PDE1C: variants seen among roughly 807,000 people sequenced by gnomAD.
The protein encoded by PDE1C is dual specificity calcium/calmodulin-dependent 3',5'-cyclic nucleotide phosphodiesterase 1C.
Under a neutral mutation model 93.1 loss-of-function variants are expected in PDE1C, and 62 were observed. The observed-to-expected ratio is 0.67, with a 90% CI of 0.54 to 0.82. PDE1C has a LOEUF of 0.82. Among genes scored for constraint, PDE1C ranks in the 40% least tolerant of loss-of-function variants. PDE1C has a pLI of 0.00. For synonymous variants in PDE1C, 325 were observed against 310.1 expected, an observed-to-expected ratio of 1.05 and a Z score of -0.50; for missense variants, 742 against 884.6, an observed-to-expected ratio of 0.84 and a Z score of 2.04.
rs1794196439 is a variant in PDE1C at position 31,752,675 on chromosome 7, T to C, written c.*709A>G. The C allele has an allele frequency of 6.6e-6, 1 of 152,138 alleles. No homozygotes were observed. Among genetic ancestry groups the C allele is most frequent in the African/African-American group, 2.4e-5 (1 of 41,450 alleles). The allele number at this position is 152,138 out of a possible 1,614,324, so 9.4% of individuals were successfully genotyped here. A position where few individuals can be genotyped will look rare whatever the true frequency, so the allele number is the denominator to read the frequency against. ...GGAAAATGAAGCCAAATGCATCTCT[T>C]GCAAACCTTCACATCCTTCAAAGTA... is the stretch of plus-strand genomic sequence containing the variant. On this transcript the variant is annotated 3_prime_UTR_variant, in exon 18 of 18. Coordinates refer to ENST00000396191, the MANE Select transcript of PDE1C (RefSeq NM_001191057.4).
intron 1 of PDE1C, among the ~76,000 whole-genome samples, chr7:32,359,438 T>C (rs1266540816): frequency 6.6e-6 from 1 of 152,258 alleles, no homozygotes; most frequent in Non-Finnish European, 1.5e-5. Context: ...TCATTTATTT[T>C]ATTCATCATC....
chr7:31,812,714 TA>T lies in PDE1C; in HGVS notation c.1813+3209del, dbSNP rs201336275. Among the ~76,000 whole-genome samples the T allele has an allele frequency of 6.3e-3, 958 of 152,266 alleles. 17 individuals are homozygous for T. Among genetic ancestry groups the T allele is most frequent in the African/African-American group, 0.021 (874 of 41,568 alleles). ...TAGAGACCTTATGTTCTGCAAAGCCTAAAATATTTACTATCTTGTCCCTTAT... is the reference window on the plus strand; with the variant it reads ...TAGAGACCTTATGTTCTGCAAAGCCTAAATATTTACTATCTTGTCCCTTAT... On this transcript the variant is annotated intron_variant, in intron 15 of 17. Transcript: ENST00000396191.
chr7:32,388,068 T>C (rs971084426), intron 1 of PDE1C, among the ~76,000 whole-genome samples: 1 of 152,238 alleles, frequency 6.6e-6, no homozygotes, highest in Non-Finnish European at 1.5e-5. Flanking sequence ...TTCATGGCTA[T>C]TGTGCTGGAG....
At chr7:31,935,781 C>G (rs898569651) in intron 2 of PDE1C, among the ~76,000 whole-genome samples, 1 of 152,106 alleles carries the variant, frequency 6.6e-6, no homozygotes, top group Admixed American at 6.6e-5. Flanking sequence ...GCACTAAAGT[C>G]TCTTTGCCTC....
At chr7:32,143,312 C>T (rs968374774) in intron 3 of PDE1C, among the ~76,000 whole-genome samples, 9 of 150,624 alleles carry the variant, frequency 6.0e-5, no homozygotes, top group African/African-American at 2.2e-4. Context: ...TCTGATCCCA[C>T]ATACGAGATG....
At chr7:32,340,938 T>C (rs114981350) in intron 1 of PDE1C, among the ~76,000 whole-genome samples, 1 of 152,086 alleles carries the variant, frequency 6.6e-6, no homozygotes, top group Non-Finnish European at 1.5e-5. Flanking sequence ...CATGTCAGTA[T>C]ACATTCATCC....
At chr7:31,760,729 C>A (rs1371141937) in intron 17 of PDE1C, among the ~76,000 whole-genome samples, 1 of 150,882 alleles carries the variant, frequency 6.6e-6, no homozygotes, top group African/African-American at 2.4e-5. Context: ...AAAGCACTTT[C>A]TCCTATAGAC....
At chr7:32,001,027 G>T (rs1366392240) in intron 2 of PDE1C, among the ~76,000 whole-genome samples, 1 of 151,760 alleles carries the variant, frequency 6.6e-6, no homozygotes, top group East Asian at 1.9e-4. Context: ...TATGTATGGG[G>T]AGGGTGGAGA....
At chr7:31,962,792 G>A (rs369215196) in intron 2 of PDE1C, among the ~76,000 whole-genome samples, 1 of 151,684 alleles carries the variant, frequency 6.6e-6, no homozygotes, top group African/African-American at 2.4e-5. Context: ...GACATCTAAG[G>A]CCCCTCCATC....
chr7:32,370,975 C>T (rs1245285891), intron 1 of PDE1C, among the ~76,000 whole-genome samples: 3 of 151,286 alleles, frequency 2.0e-5, no homozygotes, highest in Non-Finnish European at 4.4e-5. Flanking sequence ...TTCAACACTG[C>T]ATATTCTCAC....
rs147622139 is a variant in PDE1C at position 31,775,595 on chromosome 7, A to G, written c.1960+69T>C. The G allele has an allele frequency of 1.4e-4, 190 of 1,316,862 alleles. No individual in the cohort carries two copies. The African/African-American group carries it at 2.3e-3, about 16-fold the overall frequency. 81.6% of individuals were successfully genotyped at this position (1,316,862 alleles called of 1,614,324 possible). On this transcript the variant is annotated intron_variant, in intron 17 of 17. Coordinates refer to ENST00000396191, the MANE Select transcript of PDE1C (RefSeq NM_001191057.4). ...GCCATGTTCTCAGTTTATCAACCCA[A>G]TTCCCGAGAAACCAGGCCTTTCCAT...
At chr7:32,133,583 A>G (rs559712279) in intron 3 of PDE1C, among the ~76,000 whole-genome samples, 1 of 152,276 alleles carries the variant, frequency 6.6e-6, no homozygotes, top group East Asian at 1.9e-4. Context: ...CTTCACTTGC[A>G]GCTCTGTCTT....
In PDE1C at chr7:31,964,910, G is replaced by T. The variant is rs991339868; in HGVS notation, c.129-84050C>A. The stretch of plus-strand genomic sequence containing the variant: ...CAGCTGAGGGTCCTGACTGTTAGAA[G>T]GAAAACTAACAAACAGAAAGGACAT... On this transcript the variant is annotated intron_variant, in intron 2 of 17. Transcript: ENST00000396191. Among the ~76,000 whole-genome samples the T allele has an allele frequency of 7.9e-5, 12 of 152,232 alleles. No individual in the cohort carries two copies. The East Asian group carries it at 1.9e-3, about 25-fold the overall frequency.
chr7:32,207,760 CA>C (rs774569113), intron 2 of PDE1C, among the ~76,000 whole-genome samples: 1 of 152,166 alleles, frequency 6.6e-6, no homozygotes, highest in Non-Finnish European at 1.5e-5. Flanking sequence ...CCCAGTCATA[CA>C]GTTGAGAAGT....
At chr7:31,909,313 A>G (rs751611313) in intron 2 of PDE1C, among the ~76,000 whole-genome samples, 1 of 152,130 alleles carries the variant, frequency 6.6e-6, no homozygotes, top group Admixed American at 6.6e-5. Context: ...CAAGACATAA[A>G]TATGTGGATT....
intron 15 of PDE1C, 35 bp from the exon 16 acceptor site, chr7:31,809,143 T>C (rs1473796832): frequency 1.7e-6 from 2 of 1,162,612 alleles, no homozygotes; most frequent in African/African-American, 3.0e-5. Flanking sequence ...AGTATATGTA[T>C]GCAGCTGAGG....
chr7:31,991,723 T>A (rs1454353589), intron 2 of PDE1C, among the ~76,000 whole-genome samples: 4 of 152,316 alleles, frequency 2.6e-5, no homozygotes, highest in Middle Eastern at 3.4e-3. Context: ...TATGTGTATG[T>A]CTGTGTATAT....
chr7:31,799,430 G>C (rs1785713711), intron 16 of PDE1C, among the ~76,000 whole-genome samples: 1 of 151,638 alleles, frequency 6.6e-6, no homozygotes, highest in African/African-American at 2.4e-5. Context: ...TTCTTCTGCT[G>C]TTTTCATTAA....
chr7:31,823,164 AG>A lies in PDE1C; in HGVS notation c.1490del (p.Ser497LeufsTer200). 6.2e-7 allele frequency: 1 copy of A among 1,613,482 alleles called. No individual in the cohort carries two copies. The highest frequency in any genetic ancestry group is 8.5e-7 in the Non-Finnish European group (1 of 1,179,576). On this transcript the variant is annotated frameshift_variant, in exon 14 of 18. Transcript: ENST00000396191. LOFTEE classifies it high-confidence loss of function. ...AGCTCTTATAGTCAACGGAGATGAC[AG>A]AATTGTTGATCGGGGCACTTCCCTC... ...GSEGSAPINNSVISVDYKSFK... is the reference protein window; with the variant it reads ...GSEGSAPINNXVISVDYKSFK...
Sources: gnomAD v4.1 joint callset for allele counts (sites outside exome capture counted in the v4.1 genomes callset) on GRCh38, gnomAD v4.1.1 for gene constraint, MANE v1.5 for transcripts, NCBI Gene and HGNC (gene_info 2026-07-23, HGNC 2026-07-21) for gene names.